The following SHROOM3 variants were observed in gnomAD, a reference collection of about 807,000 sequenced individuals.
SHROOM3 encodes the protein shroom family member 3.
A neutral mutation model predicts 138.6 loss-of-function variants in SHROOM3; 47 were observed. The observed-to-expected ratio is 0.34, with a 90% confidence interval of 0.27 to 0.43. The LOEUF is 0.43. Among genes scored for constraint, SHROOM3 ranks in the 20% least tolerant of loss-of-function variants. SHROOM3 has a pLI of 1.00. For missense variants in SHROOM3, 2,491 were observed against 2,596.5 expected (o/e 0.96, Z 0.88); for synonymous variants, 1,062 against 1,063.3 (o/e 1.00, Z 0.02).
At chr4:76,449,848 C>T (rs886734818) in intron 1 of SHROOM3, among the ~76,000 whole-genome samples, 3 of 152,142 alleles carry the variant, frequency 2.0e-5, no homozygotes, top group Non-Finnish European at 4.4e-5. Flanking sequence ...ATTGTTCCTT[C>T]TTTTAGTTAA....
intron 2 of SHROOM3, among the ~76,000 whole-genome samples, chr4:76,601,798 C>T (rs974994824): frequency 3.3e-5 from 5 of 152,184 alleles, no homozygotes; most frequent in South Asian, 4.1e-4. Flanking sequence ...TGAGCCACGG[C>T]GCCCAGCCTT....
intron 10 of SHROOM3, among the ~76,000 whole-genome samples, chr4:76,771,255 G>A (rs1219928920): frequency 2.0e-5 from 3 of 151,990 alleles, no homozygotes; most frequent in Non-Finnish European, 4.4e-5. Flanking sequence ...GTGCGTGCTT[G>A]TAATCCCGGC....
At chr4:76,645,216 A>G (rs1166029871) in intron 2 of SHROOM3, 1 of 152,098 alleles carries the variant, frequency 6.6e-6, no homozygotes, top group Non-Finnish European at 1.5e-5. Flanking sequence ...AAGCCCTACC[A>G]CTTATCTCTG....
At position 76,754,420 on chromosome 4, in the gene SHROOM3, C is replaced by G. The variant is rs1721733457; in HGVS notation, c.3937C>G (p.Pro1313Ala). 8 of 1,614,146 alleles carry G rather than the reference C, an allele frequency of 5.0e-6. No homozygotes were observed. Among genetic ancestry groups the G allele is most frequent in the Non-Finnish European group, 6.8e-6 (8 of 1,180,020 alleles). Residue 1313 changes from proline to alanine, a missense_variant, in exon 7 of 11, where the codon CCT (proline) becomes GCT (alanine). Physicochemically the swap from Pro to Ala is conservative, Grantham distance 27. Transcript: ENST00000296043. ...CAAAGCCATTGGTGATTCCTCCGTT[C>G]CTAGTGAATGTCCTGGAACCCTGGA... ...GCKAIGDSSV[P>A]SECPGTLDHQ...
intron 1 of SHROOM3, among the ~76,000 whole-genome samples, chr4:76,538,733 C>A (rs1217254612): frequency 6.6e-6 from 1 of 152,120 alleles, no homozygotes; most frequent in Non-Finnish European, 1.5e-5. Context: ...TGTATTTGTT[C>A]TTTTGGGGAC....
chr4:76,483,184 A>G (rs1731654323), intron 1 of SHROOM3, among the ~76,000 whole-genome samples: 1 of 152,254 alleles, frequency 6.6e-6, no homozygotes, highest in Admixed American at 6.5e-5. Flanking sequence ...TCTGCACAGC[A>G]AAAGAAATTA....
chr4:76,566,628 T>C (rs1733730985), intron 2 of SHROOM3, among the ~76,000 whole-genome samples: 1 of 152,236 alleles, frequency 6.6e-6, no homozygotes, highest in South Asian at 2.1e-4. Flanking sequence ...TTAACTGCTC[T>C]AAGATCACAA....
chr4:76,450,501 T>C (rs1447530807), intron 1 of SHROOM3, among the ~76,000 whole-genome samples: 1 of 152,134 alleles, frequency 6.6e-6, no homozygotes, highest in Non-Finnish European at 1.5e-5. Context: ...GCCCATCAAC[T>C]GAATAAACAA....
At chr4:76,753,581 T>C (rs1000315469) in intron 6 of SHROOM3, among the ~76,000 whole-genome samples, 3 of 152,212 alleles carry the variant, frequency 2.0e-5, no homozygotes, top group African/African-American at 7.2e-5. Context: ...CTTTTTTCTG[T>C]TTTGTTTTGT....
intron 1 of SHROOM3, among the ~76,000 whole-genome samples, chr4:76,445,366 G>A (rs886186681): frequency 6.6e-6 from 1 of 152,178 alleles, no homozygotes; most frequent in African/African-American, 2.4e-5. Flanking sequence ...ATTTCAGGGT[G>A]TGGTAAGTAT....
intron 9 of SHROOM3, among the ~76,000 whole-genome samples, chr4:76,762,922 A>T (rs916179322): frequency 6.6e-6 from 1 of 152,186 alleles, no homozygotes; most frequent in Admixed American, 6.5e-5. Flanking sequence ...AAAACCTGAG[A>T]TCAGCATTGA....
In SHROOM3 at chr4:76,436,205, A is replaced by T; in HGVS notation, c.153A>T (p.Pro51=). Residue 51 remains proline, a synonymous_variant, in exon 1 of 11, where the codon CCA becomes CCT. Coordinates refer to ENST00000296043, the MANE Select transcript of SHROOM3 (RefSeq NM_020859.4). Reference sequence around the variant, plus strand: ...AGGGTGGCCTGGAGCACGGAGAACCATTAATCATCTCTAAGGTATGTTTCT... The same window carrying T: ...AGGGTGGCCTGGAGCACGGAGAACCTTTAATCATCTCTAAGGTATGTTTCT... ...TLKGGLEHGE[P]LIISKVEEGG... is the part of the protein sequence containing the mutation. 1 of 1,614,046 alleles carries T rather than the reference A, an allele frequency of 6.2e-7. No homozygotes were observed. The highest frequency in any genetic ancestry group is 8.5e-7 in the Non-Finnish European group (1 of 1,179,900).
At chr4:76,440,089 C>T (rs571645214) in intron 1 of SHROOM3, among the ~76,000 whole-genome samples, 1 of 152,342 alleles carries the variant, frequency 6.6e-6, no homozygotes, top group South Asian at 2.1e-4. Context: ...AAGAGATGCA[C>T]CTGCTCCCAG....
intron 2 of SHROOM3, among the ~76,000 whole-genome samples, chr4:76,566,441 A>C (rs1248067402): frequency 1.3e-5 from 2 of 152,168 alleles, no homozygotes; most frequent in Non-Finnish European, 2.9e-5. Flanking sequence ...ATGTTTCAAA[A>C]ACCACACTTT....
intron 3 of SHROOM3, 122 bp downstream of exon 3, chr4:76,710,409 G>A (rs377278154): frequency 4.2e-6 from 5 of 1,199,276 alleles, no homozygotes; most frequent in Non-Finnish European, 6.0e-6. Context: ...TGAGAGAGAG[G>A]TAAGAGGCAG....
chr4:76,768,432 A>G (rs1299627892), intron 9 of SHROOM3, among the ~76,000 whole-genome samples: 1 of 152,232 alleles, frequency 6.6e-6, no homozygotes, highest in Non-Finnish European at 1.5e-5. Flanking sequence ...AGGTGAAGAT[A>G]AGAAAACTTA....
chr4:76,755,163 C>T lies in SHROOM3; in HGVS notation c.4680C>T (p.Asp1560=), dbSNP rs752961979. ...ACACTGTATGTGAGGCGCAGCTGGA[C>T]AGTGAGGATCCCGAGGGGCCACGCC... The part of the protein sequence containing the change: ...PPHTVCEAQL[D]SEDPEGPRPS... Residue 1560 remains aspartate, a synonymous_variant, in exon 7 of 11, where the codon GAC becomes GAT. Coordinates refer to ENST00000296043, the MANE Select transcript of SHROOM3 (RefSeq NM_020859.4). 13 of 1,613,642 alleles carry T rather than the reference C, an allele frequency of 8.1e-6. No individual in the cohort carries two copies. The South Asian group carries it at 1.3e-4, about 16-fold the overall frequency.
At chr4:76,761,885 G>A (rs1721997564) in intron 9 of SHROOM3, among the ~76,000 whole-genome samples, 1 of 152,170 alleles carries the variant, frequency 6.6e-6, no homozygotes, top group African/African-American at 2.4e-5. Context: ...CTGGCACCTA[G>A]CACGTGCTCA....
At chr4:76,734,476 T>A (rs2110130373) in intron 4 of SHROOM3, among the ~76,000 whole-genome samples, 1 of 152,276 alleles carries the variant, frequency 6.6e-6, no homozygotes, top group South Asian at 2.1e-4. Context: ...TTTCATACAC[T>A]TATTTTGTGC....
Sources: allele counts gnomAD v4.1 joint callset (sites outside exome capture counted in the v4.1 genomes callset), GRCh38; gene constraint gnomAD v4.1.1; transcripts MANE v1.5; gene names NCBI Gene and HGNC (gene_info 2026-07-23, HGNC 2026-07-21).